RSPO2: variants seen among roughly 807,000 people sequenced by gnomAD.
RSPO2 encodes the protein R-spondin 2.
RSPO2 carries 14 observed loss-of-function variants against 30.9 expected under a neutral mutation model. The ratio of observed to expected loss-of-function variants is 0.45; its 90% confidence interval spans 0.30 to 0.71. RSPO2 has a LOEUF of 0.71. Among genes scored for constraint, RSPO2 ranks in the 30% least tolerant of loss-of-function variants. The pLI, the probability that RSPO2 is intolerant of heterozygous loss-of-function variation, is 0.08. For missense variants in RSPO2, 264 were observed against 301.9 expected, an observed-to-expected ratio of 0.87 and a Z score of 0.93; for synonymous variants, 107 against 96.4, an observed-to-expected ratio of 1.11 and a Z score of -0.64.
At chr8:107,973,422 T>C (rs1814079385) in intron 3 of RSPO2, among the ~76,000 whole-genome samples, 1 of 151,996 alleles carries the variant, frequency 6.6e-6, no homozygotes, top group African/African-American at 2.4e-5. Flanking sequence ...CCTATATCGG[T>C]CTGCTTTATG....
chr8:108,081,649 C>T (rs1434043131), intron 2 of RSPO2, among the ~76,000 whole-genome samples: 1 of 152,142 alleles, frequency 6.6e-6, no homozygotes, highest in African/African-American at 2.4e-5. Context: ...CAGCGGACTC[C>T]GAGACAGAAA....
intron 2 of RSPO2, among the ~76,000 whole-genome samples, chr8:108,069,195 G>A (rs943355696): frequency 1.4e-5 from 2 of 140,482 alleles, no homozygotes; most frequent in Admixed American, 7.0e-5. Context: ...GTGCATGTAT[G>A]TGTGAACACA....
In RSPO2 at chr8:108,041,203, C is replaced by CAAAAA. The variant is rs55937336; in HGVS notation, c.94+41337_94+41341dup. On this transcript the variant is annotated intron_variant, in intron 2 of 5. Coordinates refer to ENST00000276659, the MANE Select transcript of RSPO2 (RefSeq NM_178565.5). Reference sequence around the variant, plus strand: ...TAGAAAGAGCTAAAACAAAAAGTGGCAAAAAAAAAAAAAAAAAAAAGAAGA... The same window carrying CAAAAA: ...TAGAAAGAGCTAAAACAAAAAGTGGCAAAAAAAAAAAAAAAAAAAAAAAAAGAAGA... Among the ~76,000 whole-genome samples the CAAAAA allele has an allele frequency of 1.6e-3, 160 of 100,262 alleles. 1 individual carries two copies. Among genetic ancestry groups the CAAAAA allele is most frequent in the African/African-American group, 2.5e-3 (66 of 26,442 alleles). The allele number at this position is 100,262 out of a possible 152,430, so 65.8% of individuals were successfully genotyped here.
chr8:107,933,930 T>C (rs1226060586), intron 5 of RSPO2, among the ~76,000 whole-genome samples: 1 of 152,218 alleles, frequency 6.6e-6, no homozygotes, highest in African/African-American at 2.4e-5. Context: ...ATTTTTAATA[T>C]ATTTTTTAAA....
At chr8:107,975,910 A>G (rs1814190290) in intron 3 of RSPO2, among the ~76,000 whole-genome samples, 1 of 152,240 alleles carries the variant, frequency 6.6e-6, no homozygotes, top group Non-Finnish European at 1.5e-5. Flanking sequence ...AATAGTATCC[A>G]GCTGTCTTCT....
At chr8:108,011,680 T>C (rs1810715714) in intron 2 of RSPO2, among the ~76,000 whole-genome samples, 3 of 152,318 alleles carry the variant, frequency 2.0e-5, no homozygotes, top group East Asian at 1.9e-4. Flanking sequence ...ATGACTTACC[T>C]AAAAGAACAA....
intron 3 of RSPO2, among the ~76,000 whole-genome samples, chr8:107,967,603 ACACAGAGAAC>A (rs1012497718): frequency 3.3e-5 from 5 of 152,184 alleles, no homozygotes; most frequent in Non-Finnish European, 7.4e-5. Flanking sequence ...TTGAATGATG[ACACAGAGAAC>A]CAGCATTACT....
intron 2 of RSPO2, among the ~76,000 whole-genome samples, chr8:108,080,627 C>T (rs1272540386): frequency 6.6e-6 from 1 of 152,190 alleles, no homozygotes; most frequent in African/African-American, 2.4e-5. Context: ...CGCAGGAGTG[C>T]TGTAATGTCC....
chr8:108,051,808 G>A lies in RSPO2; in HGVS notation c.94+30737C>T, dbSNP rs553294404. Among the ~76,000 whole-genome samples, 10 of 152,330 alleles carry A rather than the reference G, an allele frequency of 6.6e-5. No homozygotes were observed. The East Asian group carries it at 1.9e-3, about 29-fold the overall frequency. ...CTCCAGCTCAAGACTGGTCTCTGAAGTCTGCACTTTCAATTAAACTATCAC... is the reference window on the plus strand; with the variant it reads ...CTCCAGCTCAAGACTGGTCTCTGAAATCTGCACTTTCAATTAAACTATCAC... On this transcript the variant is annotated intron_variant, in intron 2 of 5. Coordinates refer to ENST00000276659, the MANE Select transcript of RSPO2 (RefSeq NM_178565.5).
intron 5 of RSPO2, among the ~76,000 whole-genome samples, chr8:107,953,176 G>A (rs919144351): frequency 2.0e-5 from 3 of 152,204 alleles, no homozygotes; most frequent in African/African-American, 7.2e-5. Flanking sequence ...AGAGCCTTCT[G>A]ATGTGGAGAT....
intron 3 of RSPO2, among the ~76,000 whole-genome samples, chr8:107,971,938 A>C (rs76919063): frequency 0.096 from 14,571 of 152,034 alleles, 928 homozygotes; most frequent in East Asian, 0.24. Context: ...CTGCCCTCCC[A>C]ACACCCAGAT....
At chr8:107,906,571 TAG>T (rs1377656518) in intron 5 of RSPO2, among the ~76,000 whole-genome samples, 1 of 151,878 alleles carries the variant, frequency 6.6e-6, no homozygotes, top group Non-Finnish European at 1.5e-5. Context: ...CACTTGTAAT[TAG>T]ATCTGAAATA....
At chr8:107,937,629 G>A (rs1470487024) in intron 5 of RSPO2, among the ~76,000 whole-genome samples, 1 of 132,320 alleles carries the variant, frequency 7.6e-6, no homozygotes. Flanking sequence ...AAAAAAAAGA[G>A]CAACAGAAGA....
intron 2 of RSPO2, among the ~76,000 whole-genome samples, chr8:108,014,307 C>T (rs903033963): frequency 4.6e-5 from 7 of 152,040 alleles, no homozygotes; most frequent in Admixed American, 1.3e-4. Flanking sequence ...GATCTAGAAC[C>T]AGAAATACCA....
At chr8:108,061,814 A>G (rs965542169) in intron 2 of RSPO2, among the ~76,000 whole-genome samples, 3 of 151,892 alleles carry the variant, frequency 2.0e-5, no homozygotes, top group African/African-American at 7.3e-5. Context: ...ATGTAAAAGA[A>G]CAGAAATTAT....
At chr8:108,040,267 T>C (rs1158420596) in intron 2 of RSPO2, among the ~76,000 whole-genome samples, 1 of 152,124 alleles carries the variant, frequency 6.6e-6, no homozygotes, top group Non-Finnish European at 1.5e-5. Flanking sequence ...TTAAAATAGC[T>C]ACATTAACAG....
intron 2 of RSPO2, among the ~76,000 whole-genome samples, chr8:108,027,581 T>C (rs561930751): frequency 6.6e-6 from 1 of 152,038 alleles, no homozygotes; most frequent in Non-Finnish European, 1.5e-5. Context: ...ATATTTTTTT[T>C]AAAAAAGTTC....
chr8:107,916,170 A>G (rs1383072787), intron 5 of RSPO2, among the ~76,000 whole-genome samples: 1 of 152,200 alleles, frequency 6.6e-6, no homozygotes, highest in Non-Finnish European at 1.5e-5. Flanking sequence ...AACTTTAATG[A>G]CTTTTTCTTC....
intron 3 of RSPO2, among the ~76,000 whole-genome samples, chr8:107,972,228 C>G (rs1291729219): frequency 6.6e-6 from 1 of 152,040 alleles, no homozygotes; most frequent in Non-Finnish European, 1.5e-5. Context: ...TCACTGCAAC[C>G]TCTGCCTCCC....
Sources: allele counts gnomAD v4.1 joint callset (sites outside exome capture counted in the v4.1 genomes callset), GRCh38; gene constraint gnomAD v4.1.1; transcripts MANE v1.5; gene names NCBI Gene and HGNC (gene_info 2026-07-23, HGNC 2026-07-21).